PKIB: variants seen among roughly 807,000 people sequenced by gnomAD.
PKIB encodes the protein PKI-beta.
A neutral mutation model predicts 4.5 loss-of-function variants in PKIB; 2 were observed. That is an observed-to-expected ratio of 0.44 (90% CI 0.18 to 1.39). The LOEUF (loss-of-function observed/expected upper bound fraction) is 1.39. Ranked by LOEUF, PKIB falls within the 40% of genes most tolerant of loss-of-function variation. The pLI, the probability that PKIB is intolerant of heterozygous loss-of-function variation, is 0.27. For synonymous variants in PKIB, 38 were observed against 36.0 expected, an observed-to-expected ratio of 1.06 and a Z score of -0.20; for missense variants, 94 against 92.6, an observed-to-expected ratio of 1.02 and a Z score of -0.06.
chr6:122,710,038 A>G (rs1779209410), intron 3 of PKIB, among the ~76,000 whole-genome samples: 1 of 152,152 alleles, frequency 6.6e-6, no homozygotes, highest in Non-Finnish European at 1.5e-5. Context: ...GATCTTTATT[A>G]TGAATATTAA....
intron 3 of PKIB, among the ~76,000 whole-genome samples, chr6:122,688,013 A>C (rs1296053994): frequency 6.6e-6 from 1 of 151,872 alleles, no homozygotes; most frequent in Non-Finnish European, 1.5e-5. Context: ...GTGAAAGTTG[A>C]TATCCTTATT....
At chr6:122,608,703 T>C (rs375992886), upstream of PKIB, among the ~76,000 whole-genome samples, 5 of 152,362 alleles carry the variant, frequency 3.3e-5, no homozygotes, top group African/African-American at 1.2e-4. Flanking sequence ...ATGGCCTTCA[T>C]GGGCCATACA....
chr6:122,537,397 A>G (rs1003487844), intron 2 of PKIB, among the ~76,000 whole-genome samples: 16 of 151,652 alleles, frequency 1.1e-4, no homozygotes, highest in Admixed American at 2.0e-4. Flanking sequence ...ATTCCCACCT[A>G]TGAGTGAGAA....
At chr6:122,504,824 G>C (rs1335844287) in intron 2 of PKIB, among the ~76,000 whole-genome samples, 1 of 152,154 alleles carries the variant, frequency 6.6e-6, no homozygotes, top group Non-Finnish European at 1.5e-5. Context: ...TTTCAATGCA[G>C]ACACTTTTCA....
intron 2 of PKIB, among the ~76,000 whole-genome samples, chr6:122,637,971 C>T (rs1033562937): frequency 1.1e-4 from 16 of 152,124 alleles, no homozygotes; most frequent in Admixed American, 9.8e-4. Flanking sequence ...TTTGCAACCT[C>T]CTTGAGTAAT....
intron 4 of PKIB, among the ~76,000 whole-genome samples, chr6:122,722,717 A>G (rs1268158524): frequency 6.6e-6 from 1 of 152,216 alleles, no homozygotes; most frequent in East Asian, 1.9e-4. Context: ...GAAGGCAACC[A>G]ATTATGATTG....
intron 3 of PKIB, among the ~76,000 whole-genome samples, chr6:122,709,953 T>C (rs1343893209): frequency 1.3e-5 from 2 of 152,304 alleles, no homozygotes; most frequent in East Asian, 3.9e-4. Flanking sequence ...CTCCTATCTA[T>C]TTTGATGTTA....
chr6:122,704,327 G>A (rs1243196876), intron 3 of PKIB, among the ~76,000 whole-genome samples: 1 of 151,976 alleles, frequency 6.6e-6, no homozygotes, highest in African/African-American at 2.4e-5. Flanking sequence ...CCCGAGAAAT[G>A]GTTAACCAAG....
intron 1 of PKIB, among the ~76,000 whole-genome samples, chr6:122,624,749 T>C (rs767286844): frequency 1.3e-5 from 2 of 152,186 alleles, no homozygotes; most frequent in Non-Finnish European, 2.9e-5. Context: ...GAATCCCAGC[T>C]CTGGGACTTA....
At chr6:122,538,329 A>G (rs1230648002) in intron 2 of PKIB, among the ~76,000 whole-genome samples, 3 of 151,904 alleles carry the variant, frequency 2.0e-5, no homozygotes, top group Admixed American at 6.6e-5. Context: ...ATGTAAGTCT[A>G]TAATCCATCT....
chr6:122,488,018 G>A (rs1775818903), intron 2 of PKIB, among the ~76,000 whole-genome samples: 1 of 152,022 alleles, frequency 6.6e-6, no homozygotes, highest in Non-Finnish European at 1.5e-5. Flanking sequence ...AAGTATTTTG[G>A]AGGGATATGT....
At chr6:122,526,435 G>T (rs1290849929) in intron 2 of PKIB, among the ~76,000 whole-genome samples, 1 of 151,976 alleles carries the variant, frequency 6.6e-6, no homozygotes, top group African/African-American at 2.4e-5. Context: ...TAAATAATAA[G>T]ATTTAAATGT....
chr6:122,659,707 C>G (rs1243530110), intron 2 of PKIB, among the ~76,000 whole-genome samples: 1 of 152,052 alleles, frequency 6.6e-6, no homozygotes, highest in African/African-American at 2.4e-5. Flanking sequence ...TTTAATAACT[C>G]TCAGTCTTGA....
intron 2 of PKIB, among the ~76,000 whole-genome samples, chr6:122,651,759 AG>A (rs1776564890): frequency 6.6e-6 from 1 of 152,218 alleles, no homozygotes; most frequent in Non-Finnish European, 1.5e-5. Context: ...GGGCAGACAC[AG>A]AAGTATTCAG....
chr6:122,524,352 C>G (rs1438090650), intron 2 of PKIB, among the ~76,000 whole-genome samples: 1 of 148,462 alleles, frequency 6.7e-6, no homozygotes, highest in Non-Finnish European at 1.5e-5. Context: ...CTTCCTCCTC[C>G]TCCTCCTCCT....
At chr6:122,541,999 T>C (rs991531776) in intron 2 of PKIB, among the ~76,000 whole-genome samples, 4 of 152,128 alleles carry the variant, frequency 2.6e-5, no homozygotes, top group Non-Finnish European at 5.9e-5. Context: ...TCTGCATTCT[T>C]CACTTAATTC....
intron 2 of PKIB, among the ~76,000 whole-genome samples, chr6:122,633,937 T>TCTAG (rs1775801861): frequency 1.3e-5 from 2 of 150,286 alleles, no homozygotes; most frequent in Admixed American, 1.3e-4. Context: ...GTCCTATCTA[T>TCTAG]CTATCTATCT....
intron 2 of PKIB, among the ~76,000 whole-genome samples, chr6:122,520,661 T>TCCCCCCC (rs543467489): frequency 3.6e-4 from 20 of 55,540 alleles, no homozygotes; most frequent in South Asian, 1.0e-3. Flanking sequence ...AAGTTTATGT[T>TCCCCCCC]CCCACCCCCC....
chr6:122,703,937 TATATAGAGAGAG>T (rs374715345), intron 3 of PKIB, among the ~76,000 whole-genome samples: 8,602 of 130,102 alleles, frequency 0.066, 371 homozygotes, highest in Non-Finnish European at 0.1. Context: ...TATATATATA[TATATAGAGAGAG>T]AGAGAGAGAG....
Sources: allele counts gnomAD v4.1 joint callset (sites outside exome capture counted in the v4.1 genomes callset), GRCh38; gene constraint gnomAD v4.1.1; transcripts MANE v1.5; gene names NCBI Gene and HGNC (gene_info 2026-07-23, HGNC 2026-07-21).